Variants in PTPN12 observed in about 807,000 individuals in gnomAD.
PTPN12 encodes the protein protein tyrosine phosphatase non-receptor type 12, also known as tyrosine-protein phosphatase non-receptor type 12.
In PTPN12, 29 loss-of-function variants were observed where a neutral mutation model predicts 97.6. That is an observed-to-expected ratio of 0.30 (90% CI 0.22 to 0.41). The LOEUF is 0.41. Among genes scored for constraint, PTPN12 ranks in the 10% least tolerant of loss-of-function variants. The pLI is 1.00. For missense variants in PTPN12, 819 were observed against 926.0 expected (o/e 0.88, Z 1.50); for synonymous variants, 327 against 300.4 (o/e 1.09, Z -0.91).
chr7:77,566,377 G>A (rs952585121), intron 1 of PTPN12, among the ~76,000 whole-genome samples: 2 of 152,176 alleles, frequency 1.3e-5, no homozygotes, highest in African/African-American at 4.8e-5. Context: ...TTTTAGAACA[G>A]TAATAAAGGA....
At chr7:77,600,094 GA>G in intron 7 of PTPN12, among the ~76,000 whole-genome samples, 1 of 152,296 alleles carries the variant, frequency 6.6e-6, no homozygotes, top group East Asian at 1.9e-4. Flanking sequence ...CAAAAGGGTT[GA>G]GGGGAGGGGG....
intron 13 of PTPN12, among the ~76,000 whole-genome samples, chr7:77,630,251 C>T (rs1209753856): frequency 6.6e-6 from 1 of 152,104 alleles, no homozygotes; most frequent in African/African-American, 2.4e-5. Context: ...CTTTGTAGAT[C>T]ATTATCTTAT....
intron 1 of PTPN12, among the ~76,000 whole-genome samples, chr7:77,544,738 C>T (rs953957607): frequency 2.0e-5 from 3 of 152,252 alleles, no homozygotes; most frequent in Admixed American, 1.3e-4. Context: ...AGGCTAGAGA[C>T]TGGGACTTAA....
intron 2 of PTPN12, among the ~76,000 whole-genome samples, chr7:77,573,117 G>A (rs1469264521): frequency 8.8e-5 from 10 of 114,162 alleles, no homozygotes; most frequent in African/African-American, 2.3e-4. Flanking sequence ...AAAAAAACCA[G>A]TGTACCTAGC....
chr7:77,609,273 CTTTT>C (rs34358650), intron 9 of PTPN12, among the ~76,000 whole-genome samples: 1 of 126,896 alleles, frequency 7.9e-6, no homozygotes, highest in Non-Finnish European at 1.6e-5. Flanking sequence ...CTCTCTCTCT[CTTTT>C]TTTTTTTTTT....
At chr7:77,601,996 A>G (rs1584173227) in intron 8 of PTPN12, among the ~76,000 whole-genome samples, 2 of 152,220 alleles carry the variant, frequency 1.3e-5, no homozygotes, top group South Asian at 2.1e-4. Flanking sequence ...AAGGACAAGT[A>G]TAGGTGCACC....
intron 1 of PTPN12, among the ~76,000 whole-genome samples, chr7:77,564,753 T>TTTTTTG (rs1808174708): frequency 2.5e-5 from 2 of 81,628 alleles, no homozygotes; most frequent in Non-Finnish European, 4.6e-5. Context: ...CGTGTTTTTT[T>TTTTTTG]TTTTTTTTTT....
At chr7:77,538,175 G>C in intron 1 of PTPN12, 1 of 856,956 alleles carries the variant, frequency 1.2e-6, no homozygotes. Context: ...GACTTAGGCC[G>C]TTTCTGGGGT....
At chr7:77,637,402 GT>G (rs1789632119) in intron 16 of PTPN12, among the ~76,000 whole-genome samples, 1 of 152,090 alleles carries the variant, frequency 6.6e-6, no homozygotes. Context: ...GAAACCTATT[GT>G]TTTAGAAATC....
intron 2 of PTPN12, among the ~76,000 whole-genome samples, chr7:77,573,319 C>T (rs533377761): frequency 8.8e-4 from 134 of 152,292 alleles, no homozygotes; most frequent in South Asian, 3.5e-3. Flanking sequence ...ATTCTAGAGA[C>T]TGGGAAGTCC....
chr7:77,597,963 C>T (rs1408361220), intron 7 of PTPN12, 62 bp downstream of exon 7: 14 of 1,580,530 alleles, frequency 8.9e-6, no homozygotes, highest in Admixed American at 1.8e-5. Flanking sequence ...TGCAGTGGCT[C>T]ATGCCTGTAA....
At chr7:77,637,378 G>C (rs974574629) in intron 16 of PTPN12, among the ~76,000 whole-genome samples, 1 of 151,976 alleles carries the variant, frequency 6.6e-6, no homozygotes, top group Non-Finnish European at 1.5e-5. Flanking sequence ...ATAAATGATG[G>C]AATTGCTTCT....
intron 1 of PTPN12, among the ~76,000 whole-genome samples, chr7:77,566,825 G>A (rs750135665): frequency 6.6e-6 from 1 of 151,948 alleles, no homozygotes; most frequent in Non-Finnish European, 1.5e-5. Context: ...AGGGTGTGGT[G>A]GGTACCTATA....
chr7:77,583,696 A>G lies in PTPN12; in HGVS notation c.381+46A>G, dbSNP rs1209039391. ...AATAAATTTTGAGAAATACTTATGT[A>G]ATAACATAGGCTATTTTACTGAATA... On this transcript the variant is annotated intron_variant, in intron 4 of 17. Coordinates refer to ENST00000248594, the MANE Select transcript of PTPN12 (RefSeq NM_002835.4). 5.8e-6 allele frequency: 7 copies of G among 1,208,026 alleles called. No individual in the cohort carries two copies. In the Admixed American group the frequency reaches 1.2e-4, roughly 21 times the overall value. 74.8% of individuals were successfully genotyped at this position (1,208,026 alleles called of 1,614,324 possible). A position where few individuals can be genotyped will look rare whatever the true frequency, so the allele number is the denominator to read the frequency against.
At chr7:77,621,549 G>T (rs1788938923) in intron 12 of PTPN12, among the ~76,000 whole-genome samples, 1 of 151,846 alleles carries the variant, frequency 6.6e-6, no homozygotes, top group Admixed American at 6.6e-5. Flanking sequence ...GGCACCTGTA[G>T]TCTCAGCTAC....
chr7:77,627,657 C>A lies in PTPN12; in HGVS notation c.1978C>A (p.His660Asn). 6.3e-7 allele frequency: 1 copy of A among 1,576,342 alleles called. No homozygotes were observed. The highest frequency in any genetic ancestry group is 8.6e-7 in the Non-Finnish European group (1 of 1,163,086). The change falls in exon 13 of 18, where the codon CAT (histidine) becomes AAT (asparagine). Residue 660 changes from histidine (H) to asparagine (N), a missense_variant. Physicochemically the swap from His to Asn is moderately conservative, Grantham distance 68. Coordinates refer to ENST00000248594, the MANE Select transcript of PTPN12 (RefSeq NM_002835.4). ...IARHNIAGTT[H>N]SGAEKDVDVS... ...TAGACATAATATAGCAGGAACAACACATTCAGGTGCTGAAAAAGGTAATAA... is the reference window on the plus strand; with the variant it reads ...TAGACATAATATAGCAGGAACAACAAATTCAGGTGCTGAAAAAGGTAATAA...
At chr7:77,607,532 A>C (rs1240345797) in intron 9 of PTPN12, among the ~76,000 whole-genome samples, 1 of 152,246 alleles carries the variant, frequency 6.6e-6, no homozygotes, top group African/African-American at 2.4e-5. Flanking sequence ...CTGGGGCTCG[A>C]GACCAGCCTG....
chr7:77,549,807 C>G (rs926308366), intron 1 of PTPN12, among the ~76,000 whole-genome samples: 2 of 152,072 alleles, frequency 1.3e-5, no homozygotes, highest in African/African-American at 4.8e-5. Flanking sequence ...TCTCAGACTC[C>G]TGGCCTAAAG....
chr7:77,601,954 T>A (rs1370021657), intron 8 of PTPN12, among the ~76,000 whole-genome samples: 1 of 152,206 alleles, frequency 6.6e-6, no homozygotes, highest in African/African-American at 2.4e-5. Flanking sequence ...ATTCAATGAT[T>A]ACTGACCTAG....
Sources: gnomAD v4.1 joint callset for allele counts (sites outside exome capture counted in the v4.1 genomes callset) on GRCh38, gnomAD v4.1.1 for gene constraint, MANE v1.5 for transcripts, NCBI Gene and HGNC (gene_info 2026-07-23, HGNC 2026-07-21) for gene names.